Variants in AUH observed in about 807,000 individuals in gnomAD.
AUH encodes the protein methylglutaconyl-CoA hydratase, mitochondrial.
In AUH, 29 loss-of-function variants were observed where a neutral mutation model predicts 42.3. The ratio of observed to expected loss-of-function variants is 0.69; its 90% CI spans 0.51 to 0.93. The LOEUF is 0.93. Ranked by LOEUF, AUH falls within the 40% of genes least tolerant of loss-of-function variation. AUH has a pLI of 0.00. For missense variants in AUH, 452 were observed against 438.1 expected, an observed-to-expected ratio of 1.03 and a Z score of -0.28; for synonymous variants, 174 against 166.4, an observed-to-expected ratio of 1.05 and a Z score of -0.35.
chr9:91,274,399 A>G (rs1429016743), intron 6 of AUH, among the ~76,000 whole-genome samples: 1 of 152,212 alleles, frequency 6.6e-6, no homozygotes, highest in Non-Finnish European at 1.5e-5. Flanking sequence ...CAAAGAGGTG[A>G]AACTGCAAAC....
chr9:91,321,080 G>A (rs1442674017), intron 4 of AUH, among the ~76,000 whole-genome samples: 1 of 152,130 alleles, frequency 6.6e-6, no homozygotes, highest in Admixed American at 6.5e-5. Flanking sequence ...TCTCTCTCTA[G>A]TAATGCTTTT....
At chr9:91,229,360 G>T (rs1474978038) in intron 6 of AUH, among the ~76,000 whole-genome samples, 1 of 145,502 alleles carries the variant, frequency 6.9e-6, no homozygotes, top group Non-Finnish European at 1.5e-5. Flanking sequence ...TGTTTTATCA[G>T]AGACTAGGAT....
At chr9:91,313,568 G>A (rs111989051) in intron 4 of AUH, among the ~76,000 whole-genome samples, 10,637 of 151,516 alleles carry the variant, frequency 0.07, 558 homozygotes, top group East Asian at 0.25. Flanking sequence ...AGCCGGGCGC[G>A]GTGGCGGGCG....
intron 8 of AUH, among the ~76,000 whole-genome samples, chr9:91,216,600 T>C (rs1349167414): frequency 6.6e-6 from 1 of 152,232 alleles, no homozygotes; most frequent in Non-Finnish European, 1.5e-5. Context: ...GTATTGACTG[T>C]ATAAAGTCAA....
intron 1 of AUH, chr9:91,360,176 A>G (rs1564138937): frequency 6.6e-6 from 1 of 152,222 alleles, no homozygotes; most frequent in Admixed American, 6.5e-5. Context: ...GACCAAAAAA[A>G]TAGAATATGG....
chr9:91,261,816 A>G (rs988450343), intron 6 of AUH, among the ~76,000 whole-genome samples: 1 of 152,216 alleles, frequency 6.6e-6, no homozygotes, highest in African/African-American at 2.4e-5. Context: ...GCTGTTCCAT[A>G]TATTTGCCCA....
chr9:91,216,223 ACAG>A, intron 8 of AUH, 117 bp from the exon 9 acceptor site: 1 of 1,017,738 alleles, frequency 9.8e-7, no homozygotes, highest in South Asian at 1.3e-5. Context: ...TTGATATAGT[ACAG>A]CAGATCAGAG....
intron 6 of AUH, among the ~76,000 whole-genome samples, chr9:91,295,599 G>C (rs190291464): frequency 3.0e-4 from 46 of 152,302 alleles, no homozygotes; most frequent in Middle Eastern, 3.4e-3. Flanking sequence ...TAATCAGTCA[G>C]CAGCCTCAAC....
intron 6 of AUH, among the ~76,000 whole-genome samples, chr9:91,237,275 C>G (rs1828241834): frequency 6.6e-6 from 1 of 152,086 alleles, no homozygotes. Flanking sequence ...ACTGCTGCTC[C>G]CTGGTGATGC....
intron 6 of AUH, among the ~76,000 whole-genome samples, chr9:91,245,178 AGATTTCAAGTGTGG>A (rs1329361157): frequency 6.6e-5 from 10 of 152,124 alleles, no homozygotes; most frequent in Admixed American, 6.5e-4. Context: ...CACACACAAG[AGATTTCAAGTGTGG>A]GCCCAGCAGG....
chr9:91,261,297 G>A (rs533565300), intron 6 of AUH, among the ~76,000 whole-genome samples: 57 of 152,264 alleles, frequency 3.7e-4, no homozygotes, highest in African/African-American at 1.3e-3. Flanking sequence ...TTTGGGACTT[G>A]TTTCTAAGCT....
intron 4 of AUH, among the ~76,000 whole-genome samples, chr9:91,312,951 T>C (rs1311266920): frequency 4.6e-5 from 7 of 152,068 alleles, no homozygotes. Context: ...TTCTACAAAA[T>C]AGAATAAAAG....
At chr9:91,313,707 G>A (rs1400980651) in intron 4 of AUH, among the ~76,000 whole-genome samples, 12 of 93,326 alleles carry the variant, frequency 1.3e-4, no homozygotes, top group African/African-American at 3.6e-4. Flanking sequence ...GCGAGACTCC[G>A]TCTCAAAAAA....
intron 1 of AUH, among the ~76,000 whole-genome samples, chr9:91,358,356 G>A (rs191626858): frequency 3.3e-5 from 5 of 152,264 alleles, no homozygotes; most frequent in African/African-American, 1.2e-4. Context: ...ACGTCCAAGG[G>A]CTAAGAATGC....
intron 3 of AUH, among the ~76,000 whole-genome samples, chr9:91,330,626 T>A (rs1830260195): frequency 6.6e-6 from 1 of 152,140 alleles, no homozygotes; most frequent in Non-Finnish European, 1.5e-5. Flanking sequence ...AAAAGACATG[T>A]ACAAGCATAG....
chr9:91,244,933 C>A (rs573887565), intron 6 of AUH, among the ~76,000 whole-genome samples: 1 of 152,298 alleles, frequency 6.6e-6, no homozygotes, highest in Non-Finnish European at 1.5e-5. Flanking sequence ...ATGAAAAATT[C>A]TTTAAACACT....
intron 6 of AUH, among the ~76,000 whole-genome samples, chr9:91,265,515 T>C (rs1015644102): frequency 4.6e-5 from 7 of 152,180 alleles, no homozygotes; most frequent in African/African-American, 7.2e-5. Context: ...TTTAAGATAG[T>C]AACACCAGGA....
rs781065788 is a variant in AUH, at chr9:91,306,169, G to A, written c.506-8093C>T. Among the ~76,000 whole-genome samples, 10 of 152,252 alleles carry A rather than the reference G, an allele frequency of 6.6e-5. No individual in the cohort carries two copies. In the South Asian group the frequency reaches 8.3e-4, roughly 13 times the overall value. On this transcript the variant is annotated intron_variant, in intron 4 of 9. Transcript: ENST00000375731. The stretch of plus-strand genomic sequence containing the variant: ...AGTGTGGCAGTGCCCCCCAGTACAC[G>A]ACTCTATAGGCTATTAAAATAAAAA...
At chr9:91,303,493 G>A (rs1001539264) in intron 4 of AUH, among the ~76,000 whole-genome samples, 67 of 152,248 alleles carry the variant, frequency 4.4e-4, no homozygotes, top group African/African-American at 1.6e-3. Flanking sequence ...ACTACGCCCA[G>A]CTAATTTTTT....
Sources: gnomAD v4.1 joint callset for allele counts (sites outside exome capture counted in the v4.1 genomes callset) on GRCh38, gnomAD v4.1.1 for gene constraint, MANE v1.5 for transcripts, NCBI Gene and HGNC (gene_info 2026-07-23, HGNC 2026-07-21) for gene names.